Variants in ME1 observed in about 807,000 individuals in gnomAD.
ME1 encodes NADP-dependent malic enzyme.
A neutral mutation model predicts 66.4 loss-of-function variants in ME1; 74 were observed. That is an observed-to-expected ratio of 1.11 (90% CI 0.92 to 1.35). ME1 has a LOEUF of 1.35. Among genes scored for constraint, ME1 ranks in the 40% most tolerant of loss-of-function variants. The pLI is 0.00. For missense variants in ME1, 750 were observed against 694.1 expected (o/e 1.08, Z -0.90); for synonymous variants, 251 against 235.6 (o/e 1.07, Z -0.60).
chr6:83,419,890 C>T (rs1455272770), intron 1 of ME1, among the ~76,000 whole-genome samples: 2 of 152,084 alleles, frequency 1.3e-5, no homozygotes, highest in Non-Finnish European at 2.9e-5. Flanking sequence ...AAGACATTTC[C>T]TGACTCCCCT....
At chr6:83,236,235 T>G (rs1469504319) in intron 9 of ME1, among the ~76,000 whole-genome samples, 1 of 152,170 alleles carries the variant, frequency 6.6e-6, no homozygotes, top group African/African-American at 2.4e-5. Flanking sequence ...TTATAATTAA[T>G]GTGTGATAAA....
intron 1 of ME1, among the ~76,000 whole-genome samples, chr6:83,425,659 G>T (rs576708055): frequency 1.4e-4 from 21 of 152,166 alleles, no homozygotes; most frequent in African/African-American, 4.6e-4. Flanking sequence ...GGGATTATGG[G>T]AACTACAATT....
chr6:83,430,854 G>T, intron 1 of ME1, 23 bp downstream of exon 1: 1 of 1,581,996 alleles, frequency 6.3e-7, no homozygotes, highest in Non-Finnish European at 8.6e-7. Flanking sequence ...CCGATGGGCG[G>T]CCAGGTGGGC....
chr6:83,307,878 A>G (rs1234261467), intron 6 of ME1, among the ~76,000 whole-genome samples: 3 of 152,140 alleles, frequency 2.0e-5, no homozygotes. Context: ...GATATTAATA[A>G]TTAAAGAAAT....
intron 6 of ME1, among the ~76,000 whole-genome samples, chr6:83,293,210 C>T (rs1047204918): frequency 1.5e-4 from 23 of 152,182 alleles, no homozygotes; most frequent in African/African-American, 5.3e-4. Context: ...ATGCAGAAAT[C>T]ACCCATCTTC....
intron 3 of ME1, among the ~76,000 whole-genome samples, chr6:83,355,685 G>T (rs147196727): frequency 1.3e-5 from 2 of 152,016 alleles, no homozygotes; most frequent in African/African-American, 4.8e-5. Flanking sequence ...ATTAGAAACC[G>T]AATGAGATAT....
At chr6:83,266,684 A>T (rs964703845) in intron 6 of ME1, among the ~76,000 whole-genome samples, 1 of 152,186 alleles carries the variant, frequency 6.6e-6, no homozygotes, top group African/African-American at 2.4e-5. Flanking sequence ...GGTATTGAAG[A>T]TATTTAAGCC....
chr6:83,269,498 T>C (rs1562464794), intron 6 of ME1, among the ~76,000 whole-genome samples: 2 of 152,194 alleles, frequency 1.3e-5, no homozygotes, highest in Non-Finnish European at 2.9e-5. Context: ...AACAATAACA[T>C]AAAACATTAC....
chr6:83,294,483 G>T (rs903251686), intron 6 of ME1, among the ~76,000 whole-genome samples: 2 of 151,970 alleles, frequency 1.3e-5, no homozygotes, highest in Non-Finnish European at 1.5e-5. Flanking sequence ...GTGAGCCCTC[G>T]ATCCCCTGCT....
rs138427180 is a variant in ME1, at chr6:83,270,233, T to C, written c.705-16495A>G. Among the ~76,000 whole-genome samples, 140 of 152,218 alleles carry C rather than the reference T, an allele frequency of 9.2e-4. 2 individuals carry two copies. The highest frequency in any genetic ancestry group is 3.2e-4 in the Non-Finnish European group (22 of 67,998). Reference sequence around the variant, plus strand: ...GACATTATACATTTAAAAAACATATTTCTTATCAGACCATATCTGCTTTTA... The same window carrying C: ...GACATTATACATTTAAAAAACATATCTCTTATCAGACCATATCTGCTTTTA... On this transcript the variant is annotated intron_variant, in intron 6 of 13. Transcript: ENST00000369705.
chr6:83,291,770 T>C (rs1307678587), intron 6 of ME1, among the ~76,000 whole-genome samples: 1 of 152,188 alleles, frequency 6.6e-6, no homozygotes, highest in Non-Finnish European at 1.5e-5. Flanking sequence ...CAAATGTAGA[T>C]TTGGTCTTTT....
chr6:83,307,532 A>C (rs1767849409), intron 6 of ME1, among the ~76,000 whole-genome samples: 1 of 152,146 alleles, frequency 6.6e-6, no homozygotes, highest in South Asian at 2.1e-4. Flanking sequence ...AAGCAAAGTA[A>C]CTCATGCTGA....
chr6:83,357,353 T>A (rs1768909704), intron 3 of ME1, among the ~76,000 whole-genome samples: 1 of 152,220 alleles, frequency 6.6e-6, no homozygotes, highest in Admixed American at 6.5e-5. Flanking sequence ...TGTTTCTTCA[T>A]CCAACTTTCA....
chr6:83,317,635 T>G (rs978857725), intron 5 of ME1, among the ~76,000 whole-genome samples: 2 of 152,056 alleles, frequency 1.3e-5, no homozygotes, highest in Non-Finnish European at 2.9e-5. Context: ...CTTCCTCTTT[T>G]CCTAATTGAA....
At chr6:83,407,060 C>T (rs1425169534) in intron 2 of ME1, among the ~76,000 whole-genome samples, 1 of 151,910 alleles carries the variant, frequency 6.6e-6, no homozygotes, top group Non-Finnish European at 1.5e-5. Context: ...TTAACACCAA[C>T]ACTTATTTGA....
intron 6 of ME1, among the ~76,000 whole-genome samples, chr6:83,288,648 G>A (rs1767442277): frequency 6.6e-6 from 1 of 152,010 alleles, no homozygotes; most frequent in Non-Finnish European, 1.5e-5. Flanking sequence ...GCTCTTTTTT[G>A]GTTCCATATG....
intron 5 of ME1, among the ~76,000 whole-genome samples, chr6:83,320,635 C>T (rs1249564545): frequency 1.3e-5 from 2 of 152,164 alleles, no homozygotes; most frequent in Non-Finnish European, 2.9e-5. Flanking sequence ...AATACTTTCT[C>T]CATGTCTAGA....
intron 1 of ME1, among the ~76,000 whole-genome samples, chr6:83,426,994 C>T (rs921228012): frequency 2.6e-5 from 4 of 151,824 alleles, no homozygotes. Context: ...TTTTGAAGGG[C>T]AATTTATGAA....
chr6:83,408,722 T>C (rs1268351244), intron 1 of ME1, among the ~76,000 whole-genome samples: 1 of 152,178 alleles, frequency 6.6e-6, no homozygotes, highest in Admixed American at 6.5e-5. Flanking sequence ...GACAAAGTAA[T>C]ATCAGAGCAG....
Sources: allele counts gnomAD v4.1 joint callset (sites outside exome capture counted in the v4.1 genomes callset), GRCh38; gene constraint gnomAD v4.1.1; transcripts MANE v1.5; gene names NCBI Gene and HGNC (gene_info 2026-07-23, HGNC 2026-07-21).